Variants in PRG2 observed in about 807,000 individuals in gnomAD.
PRG2 encodes bone marrow proteoglycan.
A neutral mutation model predicts 24.7 loss-of-function variants in PRG2; 23 were observed. That is an observed-to-expected ratio of 0.93 (90% confidence interval 0.67 to 1.32). The LOEUF (loss-of-function observed/expected upper bound fraction) is 1.32. PRG2 is among the 40% of genes most tolerant of loss of function. The pLI is 0.00. For missense variants in PRG2, 271 were observed against 280.9 expected (o/e 0.96, Z 0.25); for synonymous variants, 104 against 99.8 (o/e 1.04, Z -0.25).
At chr11:57,388,519 G>A (rs967487978) in intron 4 of PRG2, 58 bp downstream of exon 4, 3 of 1,600,476 alleles carry the variant, frequency 1.9e-6, no homozygotes, top group Non-Finnish European at 2.6e-6. Flanking sequence ...TCTGATGCAA[G>A]CTGAGTGCTG....
chr11:57,389,329 G>A lies in PRG2; in HGVS notation c.59-12C>T, dbSNP rs748947243. On this transcript the variant is annotated splice_polypyrimidine_tract_variant and intron_variant, in intron 2 of 5. Coordinates refer to ENST00000311862, the MANE Select transcript of PRG2 (RefSeq NM_002728.6). The stretch of plus-strand genomic sequence containing the variant: ...GGAAGTCTCAGACCCTGGCAGGGAG[G>A]ATAGCTAAGTGTCCTTCCTTCACAT... 1 of 1,606,342 alleles carries A rather than the reference G, an allele frequency of 6.2e-7. No homozygotes were observed. The highest frequency in any genetic ancestry group is 8.5e-7 in the Non-Finnish European group (1 of 1,178,832).
rs1259089901 is a variant in PRG2 at position 57,388,580 on chromosome 11, G to A, written c.495C>T (p.Gly165=). The A allele has an allele frequency of 6.2e-7, 1 of 1,613,892 alleles. No homozygotes were observed. The highest frequency in any genetic ancestry group is 1.7e-5 in the Admixed American group (1 of 59,996). The change falls in exon 4 of 6, where the codon GGC becomes GGT. Residue 165 remains glycine (G), a synonymous_variant. Transcript: ENST00000311862. The part of the protein sequence containing the change: ...GQVWIGGRIT[G]SGRCRRFQWV... ...TTAGTGTTCACACTTCTCTTACCGA[G>A]CCTGTGATCCTGCCTCCAATCCAGA...
chr11:57,389,096 C>T lies in PRG2; in HGVS notation c.280G>A (p.Asp94Asn). 1 of 1,614,202 alleles carries T rather than the reference C, an allele frequency of 6.2e-7. No homozygotes were observed. The highest frequency in any genetic ancestry group is 8.5e-7 in the Non-Finnish European group (1 of 1,180,042). ...DKNLTCPEEE[D>N]TVKVVGIPGC... is the part of the protein sequence containing the mutation. ...GGGATGCCCACCACTTTTACTGTGTCCTCTTCCTCAGGACACGTAAGGTTT... is the reference window on the plus strand; with the variant it reads ...GGGATGCCCACCACTTTTACTGTGTTCTCTTCCTCAGGACACGTAAGGTTT... The change falls in exon 3 of 6, where the codon GAC becomes AAC. Residue 94 changes from aspartate (D) to asparagine (N), a missense_variant. Coordinates refer to ENST00000311862, the MANE Select transcript of PRG2 (RefSeq NM_002728.6).
intron 5 of PRG2, 24 bp downstream of exon 5, chr11:57,387,730 C>A: frequency 6.6e-7 from 1 of 1,524,522 alleles, no homozygotes; most frequent in Non-Finnish European, 8.9e-7. Context: ...ACCTTTCCAT[C>A]GTTCATCCCC....
At chr11:57,387,611 C>T in intron 5 of PRG2, 78 bp from the exon 6 acceptor site, 4 of 1,458,640 alleles carry the variant, frequency 2.7e-6, no homozygotes, top group Middle Eastern at 1.8e-4. Flanking sequence ...TCTTTTCCCA[C>T]CCACACACTG....
Position 57,389,030 on chromosome 11 carries a change from G to T in PRG2, c.346C>A (p.Gln116Lys), listed in dbSNP as rs201086098. The part of the protein sequence containing the change: ...TCRYLLVRSL[Q>K]TFSQAWFTCR... ...CTCACCCAAGCTTGACTAAACGTCT[G>T]AAGACTTCTCACCAGGAGGTAGCGG... is the stretch of plus-strand genomic sequence containing the variant. The change falls in exon 3 of 6, where the codon CAG becomes AAG. Residue 116 changes from glutamine to lysine, a missense_variant. Transcript: ENST00000311862. 47 of 1,614,020 alleles carry T rather than the reference G, an allele frequency of 2.9e-5. No homozygotes were observed. In the Middle Eastern group the frequency reaches 4.9e-4, roughly 17 times the overall value.
Position 57,387,881 on chromosome 11 carries a change from G to T in PRG2, c.499-16C>A. 2 of 1,536,420 alleles carry T rather than the reference G, an allele frequency of 1.3e-6. No homozygotes were observed. Among genetic ancestry groups the T allele is most frequent in the Non-Finnish European group, 1.8e-6 (2 of 1,136,262 alleles). ...TGCAGCGACCCTGGAGAAAGCAAGAGGGGAAGAAGGGATGGGGCAGAGGGA... is the reference window on the plus strand; with the variant it reads ...TGCAGCGACCCTGGAGAAAGCAAGATGGGAAGAAGGGATGGGGCAGAGGGA... On this transcript the variant is annotated splice_polypyrimidine_tract_variant and intron_variant, in intron 4 of 5. Coordinates refer to ENST00000311862, the MANE Select transcript of PRG2 (RefSeq NM_002728.6).
rs777211164 is a variant in PRG2 at position 57,389,328 on chromosome 11, G to A, written c.59-11C>T. 4.4e-6 allele frequency: 7 copies of A among 1,606,464 alleles called. No individual in the cohort carries two copies. The Admixed American group carries it at 1.2e-4, about 27-fold the overall frequency. Reference sequence around the variant, plus strand: ...TGGAAGTCTCAGACCCTGGCAGGGAGGATAGCTAAGTGTCCTTCCTTCACA... The same window carrying A: ...TGGAAGTCTCAGACCCTGGCAGGGAAGATAGCTAAGTGTCCTTCCTTCACA... On this transcript the variant is annotated splice_polypyrimidine_tract_variant and intron_variant, in intron 2 of 5. Coordinates refer to ENST00000311862, the MANE Select transcript of PRG2 (RefSeq NM_002728.6).
chr11:57,389,755 C>T, intron 2 of PRG2, 132 bp downstream of exon 2: 2 of 806,396 alleles, frequency 2.5e-6, no homozygotes, highest in South Asian at 1.9e-5. Context: ...ATAGAGTCCC[C>T]ATCCCTTTAA....
chr11:57,389,194 C>T lies in PRG2; in HGVS notation c.182G>A (p.Gly61Asp), dbSNP rs758297926. The change falls in exon 3 of 6, where the codon GGC (glycine) becomes GAC (aspartate). Residue 61 changes from glycine (G) to aspartate (D), a missense_variant. Gly to Asp is a moderately conservative substitution (Grantham distance 94). Transcript: ENST00000311862. Reference sequence around the variant, plus strand: ...CTTGGAGGCATCTTCACTTCCAGAGCCCCACTCCTCCTCTTCCTCCAGCTC... The same window carrying T: ...CTTGGAGGCATCTTCACTTCCAGAGTCCCACTCCTCCTCTTCCTCCAGCTC... ...CRELEEEEEW[G>D]SGSEDASKKD... 1 of 1,614,076 alleles carries T rather than the reference C, an allele frequency of 6.2e-7. No individual in the cohort carries two copies. The highest frequency in any genetic ancestry group is 8.5e-7 in the Non-Finnish European group (1 of 1,180,046).
chr11:57,387,669 G>T (rs1857070999), intron 5 of PRG2, 85 bp downstream of exon 5: 1 of 1,386,536 alleles, frequency 7.2e-7, no homozygotes, highest in Admixed American at 2.3e-5. Context: ...CTCCCACAAA[G>T]GGTCAGGCTC....
At position 57,389,256 on chromosome 11, in the gene PRG2, C is replaced by T; in HGVS notation, c.120G>A (p.Glu40=). Residue 40 remains glutamate, a synonymous_variant, in exon 3 of 6, where the codon GAG becomes GAA. Coordinates refer to ENST00000311862, the MANE Select transcript of PRG2 (RefSeq NM_002728.6). ...TCTCCTCCATCTCCTGCTCTGGTGT[C>T]TCCTCATCCTCAGGCAGCGTCTTAG... is the stretch of plus-strand genomic sequence containing the variant. ...LGAKTLPEDE[E]TPEQEMEETP... The T allele has an allele frequency of 1.2e-6, 2 of 1,614,152 alleles. No individual in the cohort carries two copies. The highest frequency in any genetic ancestry group is 2.2e-5 in the South Asian group (2 of 91,086).
At chr11:57,387,892 G>A in intron 4 of PRG2, 27 bp from the exon 5 acceptor site, 1 of 1,511,958 alleles carries the variant, frequency 6.6e-7, no homozygotes, top group Non-Finnish European at 8.9e-7. Context: ...GGGAAGAAGG[G>A]ATGGGGCAGA....
Position 57,387,846 on chromosome 11 carries a change from T to C in PRG2, c.518A>G (p.Gln173Arg). The change falls in exon 5 of 6, where the codon CAG (glutamine) becomes CGG (arginine). Residue 173 changes from glutamine (Q) to arginine (R), a missense_variant. Coordinates refer to ENST00000311862, the MANE Select transcript of PRG2 (RefSeq NM_002728.6). ...GTTCCAGCGGCTGCCGTCAACCCAC[T>C]GAAAGCGTCTGCAGCGACCCTGGAG... ...ITGSGRCRRF[Q>R]WVDGSRWNFA... 6.4e-7 allele frequency: 1 copy of C among 1,573,214 alleles called. No individual in the cohort carries two copies. Among genetic ancestry groups the C allele is most frequent in the Non-Finnish European group, 8.6e-7 (1 of 1,159,022 alleles).
Position 57,387,506 on chromosome 11 carries a change from A to C in PRG2, c.638T>G (p.Leu213Arg), listed in dbSNP as rs1857067083. Residue 213 changes from leucine (L) to arginine (R), a missense_variant, in exon 6 of 6, where the codon CTC becomes CGC. Transcript: ENST00000311862. ...RGGHWRRAHC[L>R]RRLPFICSY Reference sequence around the variant, plus strand: ...GGAACAGATGAAAGGAAGTCTTCTGAGGCAGTGGGCTCGACGCCAGTGGCC... The same window carrying C: ...GGAACAGATGAAAGGAAGTCTTCTGCGGCAGTGGGCTCGACGCCAGTGGCC... 1 of 1,613,800 alleles carries C rather than the reference A, an allele frequency of 6.2e-7. No individual in the cohort carries two copies. The highest frequency in any genetic ancestry group is 8.5e-7 in the Non-Finnish European group (1 of 1,179,966).
rs190607402 is a variant in PRG2, at chr11:57,387,328, C to T, written c.*147G>A. The T allele has an allele frequency of 1.5e-5, 10 of 689,320 alleles. No homozygotes were observed. The highest frequency in any genetic ancestry group is 1.4e-4 in the African/African-American group (8 of 56,028). 42.7% of individuals were successfully genotyped at this position (689,320 alleles called of 1,614,324 possible). A position where few individuals can be genotyped will look rare whatever the true frequency, so the allele number is the denominator to read the frequency against. On this transcript the variant is annotated 3_prime_UTR_variant, in exon 6 of 6. Transcript: ENST00000311862. ...GGAAGAAGTTTCAATGAGGGCTAAG[C>T]AGAGTGGATCCGCGATCAGAGGAGA...
chr11:57,388,974 A>C (rs767145663), intron 3 of PRG2, 36 bp downstream of exon 3: 2 of 1,597,986 alleles, frequency 1.3e-6, no homozygotes, highest in South Asian at 1.1e-5. Flanking sequence ...CACCCGTTCC[A>C]TGCTCCCACC....
In PRG2 at chr11:57,387,107, T is replaced by C. The variant is rs1235978058; in HGVS notation, c.*368A>G. The C allele has an allele frequency of 2.3e-5, 4 of 170,488 alleles. No homozygotes were observed. The highest frequency in any genetic ancestry group is 9.5e-5 in the African/African-American group (4 of 42,090). The allele number at this position is 170,488 out of a possible 1,614,324, so 10.6% of individuals were successfully genotyped here. A position where few individuals can be genotyped will look rare whatever the true frequency, so the allele number is the denominator to read the frequency against. ...GATGCAAACTGGGCCATTGGGAGTCTACCTACAACCTTGAAAGGTCCTGGC... is the reference window on the plus strand; with the variant it reads ...GATGCAAACTGGGCCATTGGGAGTCCACCTACAACCTTGAAAGGTCCTGGC... On this transcript the variant is annotated 3_prime_UTR_variant, in exon 6 of 6. Transcript: ENST00000311862.
At position 57,387,859 on chromosome 11, in the gene PRG2, A is replaced by G; in HGVS notation, c.505T>C (p.Cys169Arg). ...CCGTCAACCCACTGAAAGCGTCTGC[A>G]GCGACCCTGGAGAAAGCAAGAGGGG... ...IGGRITGSGR[C>R]RRFQWVDGSR... is the part of the protein sequence containing the mutation. The change falls in exon 5 of 6, where the codon TGC becomes CGC. Residue 169 changes from cysteine to arginine, a missense_variant. Physicochemically the swap from Cys to Arg is radical, Grantham distance 180. Transcript: ENST00000311862. 6.4e-7 allele frequency: 1 copy of G among 1,566,184 alleles called. No individual in the cohort carries two copies. The highest frequency in any genetic ancestry group is 8.7e-7 in the Non-Finnish European group (1 of 1,154,754).
Sources: allele counts gnomAD v4.1 joint callset, GRCh38; gene constraint gnomAD v4.1.1; transcripts MANE v1.5; gene names NCBI Gene and HGNC (gene_info 2026-07-23, HGNC 2026-07-21).